The following CD247 variants were observed in gnomAD, a reference collection of about 807,000 sequenced individuals.
The protein encoded by CD247 is CD247 molecule, also known as T-cell surface glycoprotein CD3 zeta chain.
Under a neutral mutation model 30.0 loss-of-function variants are expected in CD247, and 13 were observed. The observed-to-expected ratio is 0.43, with a 90% CI of 0.28 to 0.69. The LOEUF is 0.69. Among genes scored for constraint, CD247 ranks in the 30% least tolerant of loss-of-function variants. The probability of loss-of-function intolerance (pLI) is 0.16; values close to 1 mark genes in which losing one functional copy is unlikely to be tolerated. For synonymous variants in CD247, 72 were observed against 80.0 expected (o/e 0.90, Z 0.53); for missense variants, 193 against 212.6 (o/e 0.91, Z 0.57).
At chr1:167,517,312 C>G (rs888605114) in intron 1 of CD247, among the ~76,000 whole-genome samples, 5 of 152,232 alleles carry the variant, frequency 3.3e-5, no homozygotes, top group Admixed American at 3.3e-4. Context: ...CAACAGGGCC[C>G]CTAAACAAAT....
intron 1 of CD247, among the ~76,000 whole-genome samples, chr1:167,471,904 C>T (rs1653549177): frequency 6.9e-6 from 1 of 144,088 alleles, no homozygotes; most frequent in African/African-American, 2.6e-5. Flanking sequence ...GCGATCTCGG[C>T]TCACTGCAAC....
intron 1 of CD247, among the ~76,000 whole-genome samples, chr1:167,479,608 C>G (rs1273126569): frequency 1.3e-5 from 2 of 152,334 alleles, no homozygotes; most frequent in African/African-American, 4.8e-5. Flanking sequence ...CCCCGCTCCC[C>G]ATCATGTGGC....
chr1:167,482,128 G>A (rs1045672781), intron 1 of CD247, among the ~76,000 whole-genome samples: 4 of 152,194 alleles, frequency 2.6e-5, no homozygotes, highest in Admixed American at 6.5e-5. Flanking sequence ...TAGGTCCTGT[G>A]AAAAGTTCTC....
At chr1:167,458,765 T>C (rs2102025974) in intron 1 of CD247, 1 of 145,004 alleles carries the variant, frequency 6.9e-6, no homozygotes, top group Admixed American at 7.1e-5. Context: ...TGGTGCAATC[T>C]TGGCTCACTG....
At chr1:167,484,743 G>A (rs34726959) in intron 1 of CD247, among the ~76,000 whole-genome samples, 24,971 of 152,134 alleles carry the variant, frequency 0.16, 2,312 homozygotes, top group Admixed American at 0.29. Context: ...CGCCACCGCA[G>A]TCCAGCCCGG....
At chr1:167,492,794 G>A (rs1264059347) in intron 1 of CD247, among the ~76,000 whole-genome samples, 1 of 152,124 alleles carries the variant, frequency 6.6e-6, no homozygotes, top group Non-Finnish European at 1.5e-5. Flanking sequence ...CTGTGTTCAG[G>A]GGCCCCCCCA....
At chr1:167,496,503 A>T (rs2102089418) in intron 1 of CD247, among the ~76,000 whole-genome samples, 1 of 152,320 alleles carries the variant, frequency 6.6e-6, no homozygotes, top group South Asian at 2.1e-4. Context: ...CCGGATCCTG[A>T]AGCAAGGAGG....
intron 1 of CD247, among the ~76,000 whole-genome samples, chr1:167,509,053 G>A (rs2102114972): frequency 6.6e-6 from 1 of 152,262 alleles, no homozygotes; most frequent in Non-Finnish European, 1.5e-5. Context: ...TGGCCTGTCA[G>A]ATGGTTTAAA....
At chr1:167,449,156 T>TTG (rs1553229978) in intron 1 of CD247, among the ~76,000 whole-genome samples, 1 of 113,596 alleles carries the variant, frequency 8.8e-6, no homozygotes, top group Non-Finnish European at 1.7e-5. Context: ...TTTCTTTTTT[T>TTG]TTTTTTTTTT....
intron 3 of CD247, 100 bp from the exon 4 acceptor site, chr1:167,438,750 A>T: frequency 1.1e-6 from 1 of 914,978 alleles, no homozygotes; most frequent in East Asian, 2.4e-5. Flanking sequence ...GGGGTGGCTC[A>T]TAAAAAGAGG....
intron 3 of CD247, 52 bp downstream of exon 3, chr1:167,439,292 G>T: frequency 6.5e-7 from 1 of 1,545,562 alleles, no homozygotes; most frequent in Non-Finnish European, 9.0e-7. Context: ...CCCTAGGTCC[G>T]AGGAGGAGGC....
intron 1 of CD247, among the ~76,000 whole-genome samples, chr1:167,454,430 A>T (rs1652529048): frequency 6.6e-6 from 1 of 152,240 alleles, no homozygotes; most frequent in Admixed American, 6.5e-5. Context: ...CTTACATCAA[A>T]GAAGGTGTGT....
intron 1 of CD247, among the ~76,000 whole-genome samples, chr1:167,456,388 C>G (rs1652672784): frequency 6.6e-6 from 1 of 152,138 alleles, no homozygotes; most frequent in Non-Finnish European, 1.5e-5. Flanking sequence ...CTTGAGCTAA[C>G]CAGGTGGCAT....
Position 167,430,715 on chromosome 1 carries a change from AAAAG to A in CD247, c.*962_*965del. The stretch of plus-strand genomic sequence containing the variant: ...CCAGTATAAATTAAAACAGTAGAAA[AAAAG>A]CAGAGTAGAGAGCGTTTTCCATCCA... On this transcript the variant is annotated 3_prime_UTR_variant, in exon 8 of 8. Transcript: ENST00000362089. 1 of 398,698 alleles carries A rather than the reference AAAAG, an allele frequency of 2.5e-6. No individual in the cohort carries two copies. Among genetic ancestry groups the A allele is most frequent in the Non-Finnish European group, 4.4e-6 (1 of 226,082 alleles). The allele number at this position is 398,698 out of a possible 1,614,324, so 24.7% of individuals were successfully genotyped here.
At chr1:167,434,416 A>T in intron 5 of CD247, 1 of 398,062 alleles carries the variant, frequency 2.5e-6, no homozygotes, top group Non-Finnish European at 4.7e-6. Context: ...CCCCAGAATC[A>T]TTTATCTGAG....
intron 1 of CD247, among the ~76,000 whole-genome samples, chr1:167,490,867 G>A (rs1185794106): frequency 1.3e-5 from 2 of 151,966 alleles, no homozygotes; most frequent in Non-Finnish European, 2.9e-5. Flanking sequence ...GAACATGGGA[G>A]GCCGAGATTG....
chr1:167,460,449 G>A (rs866111548), intron 1 of CD247, among the ~76,000 whole-genome samples: 9 of 152,052 alleles, frequency 5.9e-5, no homozygotes, highest in Admixed American at 5.2e-4. Context: ...ACCAAGAGCC[G>A]TATGTCTCAG....
intron 1 of CD247, among the ~76,000 whole-genome samples, chr1:167,449,913 ACT>A (rs1008213447): frequency 1.3e-5 from 2 of 150,410 alleles, no homozygotes; most frequent in South Asian, 2.1e-4. Flanking sequence ...ACAAAGTGAG[ACT>A]CTGTCTCAAA....
chr1:167,440,465 T>A (rs1651775159), intron 2 of CD247, 199 bp downstream of exon 2: 1 of 638,780 alleles, frequency 1.6e-6, no homozygotes, highest in South Asian at 1.8e-5. Flanking sequence ...CTCTCCCTCC[T>A]ACCCTGTCCA....
Sources: allele counts gnomAD v4.1 joint callset (sites outside exome capture counted in the v4.1 genomes callset), GRCh38; gene constraint gnomAD v4.1.1; transcripts MANE v1.5; gene names NCBI Gene and HGNC (gene_info 2026-07-23, HGNC 2026-07-21).